Variants in ZFTRAF1 observed in about 807,000 individuals in gnomAD.
ZFTRAF1 encodes the protein zinc finger TRAF-type and ring finger containing 1.
chr8:144,455,023 T>TA, the ZFTRAF1 span: 1 of 152,228 alleles, frequency 6.6e-6, no homozygotes, highest in Non-Finnish European at 1.5e-5. Context: ...TCAGTTTGGT[T>TA]AAAAATTAAA....
the ZFTRAF1 span, among the ~76,000 whole-genome samples, chr8:144,459,862 G>A: frequency 6.6e-6 from 1 of 152,244 alleles, no homozygotes; most frequent in African/African-American, 2.4e-5. Flanking sequence ...AGCAGGAACA[G>A]AGGGTGGAAC....
the ZFTRAF1 span, chr8:144,462,414 G>A: frequency 8.2e-6 from 3 of 363,812 alleles, no homozygotes; most frequent in Non-Finnish European, 1.4e-5. Flanking sequence ...GCTGCCCGCA[G>A]CCGCTTCTTG....
the ZFTRAF1 span, chr8:144,453,967 T>C: frequency 6.4e-6 from 1 of 157,184 alleles, no homozygotes; most frequent in Non-Finnish European, 1.4e-5. Flanking sequence ...TGAGCCCAGG[T>C]GAGAGGAGGC....
At chr8:144,460,573 TCTCCC>T in the ZFTRAF1 span, among the ~76,000 whole-genome samples, 1 of 151,920 alleles carries the variant, frequency 6.6e-6, no homozygotes, top group East Asian at 1.9e-4. Flanking sequence ...CTTGTTGGAG[TCTCCC>T]TCGAGATCCA....
chr8:144,452,205 C>G, the ZFTRAF1 span: 1 of 862,502 alleles, frequency 1.2e-6, no homozygotes, highest in Admixed American at 2.0e-5. Flanking sequence ...TCTTCTCGAC[C>G]GAGGTGTCCA....
chr8:144,460,350 C>T, the ZFTRAF1 span, among the ~76,000 whole-genome samples: 104 of 152,370 alleles, frequency 6.8e-4, 5 homozygotes, highest in South Asian at 0.019. Context: ...CCGGTTTGAA[C>T]CAGCTAGGCT....
At chr8:144,461,710 T>C in the ZFTRAF1 span, among the ~76,000 whole-genome samples, 1 of 152,214 alleles carries the variant, frequency 6.6e-6, no homozygotes. Flanking sequence ...AGCAATCCCC[T>C]CTCCTTACTG....
chr8:144,457,304 A>T, the ZFTRAF1 span: 6 of 152,150 alleles, frequency 3.9e-5, no homozygotes, highest in Non-Finnish European at 7.3e-5. Context: ...CAGTAATATG[A>T]CCTTGGGCTC....
At chr8:144,453,372 T>G in the ZFTRAF1 span, 1 of 1,551,126 alleles carries the variant, frequency 6.4e-7, no homozygotes, top group Non-Finnish European at 8.7e-7. Context: ...ACAACGACAA[T>G]TGGGGCACGT....
chr8:144,451,062 T>C, the ZFTRAF1 span: 1 of 365,886 alleles, frequency 2.7e-6, no homozygotes. Context: ...CTGGCCTCCC[T>C]CACCGCCCCG....
the ZFTRAF1 span, chr8:144,450,498 T>C: frequency 2.8e-6 from 2 of 718,374 alleles, no homozygotes; most frequent in Non-Finnish European, 2.6e-6. Context: ...TTGCTCTCGT[T>C]GGTGAAGACA....
the ZFTRAF1 span, chr8:144,462,464 A>G: frequency 4.7e-6 from 1 of 214,874 alleles, no homozygotes; most frequent in Non-Finnish European, 8.7e-6. Flanking sequence ...CTGCAGCTGT[A>G]GCTGCCGGGC....
At chr8:144,453,468 GAAGGA>G in the ZFTRAF1 span, 2 of 1,543,746 alleles carry the variant, frequency 1.3e-6, no homozygotes, top group South Asian at 1.2e-5. Flanking sequence ...ACACTGCGAA[GAAGGA>G]AAGGGAGACG....
the ZFTRAF1 span, chr8:144,450,155 C>T: frequency 7.4e-6 from 4 of 540,118 alleles, no homozygotes; most frequent in Non-Finnish European, 1.3e-5. Flanking sequence ...GTCAGCCCAG[C>T]CTCTGGCGGC....
At chr8:144,452,711 G>C in the ZFTRAF1 span, 3 of 747,186 alleles carry the variant, frequency 4.0e-6, no homozygotes, top group African/African-American at 5.3e-5. Flanking sequence ...CCCAGGATGA[G>C]GTCAGAGTGG....
the ZFTRAF1 span, among the ~76,000 whole-genome samples, chr8:144,461,073 G>A: frequency 4.6e-5 from 7 of 152,086 alleles, 1 homozygote; most frequent in Admixed American, 3.9e-4. Context: ...AGGAGGGTGG[G>A]TTAGAGCCAG....
the ZFTRAF1 span, chr8:144,457,674 G>A: frequency 6.6e-6 from 1 of 152,258 alleles, no homozygotes; most frequent in African/African-American, 2.4e-5. Flanking sequence ...TTAAAGGGGA[G>A]CTAGATGGGC....
chr8:144,449,582 T>C, the ZFTRAF1 span: 5 of 152,256 alleles, frequency 3.3e-5, no homozygotes, highest in South Asian at 1.0e-3. Flanking sequence ...CTCACTAAAA[T>C]TGTGTAACTT....
At chr8:144,461,287 G>A in the ZFTRAF1 span, among the ~76,000 whole-genome samples, 2 of 152,230 alleles carry the variant, frequency 1.3e-5, no homozygotes, top group East Asian at 1.9e-4. Context: ...GCTCCTGTAA[G>A]TGTAAAGAAA....
Sources: allele counts gnomAD v4.1 joint callset (sites outside exome capture counted in the v4.1 genomes callset), GRCh38; gene constraint gnomAD v4.1.1; transcripts MANE v1.5; gene names NCBI Gene and HGNC (gene_info 2026-07-23, HGNC 2026-07-21).